The following CDC42EP1 variants were observed in gnomAD, a reference collection of about 807,000 sequenced individuals.
CDC42EP1 encodes the protein CDC42 effector protein 1.
Under a neutral mutation model 7.4 loss-of-function variants are expected in CDC42EP1, and 6 were observed. The observed-to-expected ratio is 0.81, with a 90% confidence interval of 0.44 to 1.60. The LOEUF is 1.60. Among genes scored for constraint, CDC42EP1 ranks in the 40% most tolerant of loss-of-function variants. The pLI is 0.01. For missense variants in CDC42EP1, 567 were observed against 539.0 expected, an observed-to-expected ratio of 1.05 and a Z score of -0.51; for synonymous variants, 238 against 227.1, an observed-to-expected ratio of 1.05 and a Z score of -0.43.
At chr22:37,567,997 G>A (rs1925305995) in intron 2 of CDC42EP1, 111 bp from the exon 3 acceptor site, 2 of 847,490 alleles carry the variant, frequency 2.4e-6, no homozygotes, top group Non-Finnish European at 3.8e-6. Flanking sequence ...AGGCCAGAGA[G>A]GGGAGGGACT....
chr22:37,566,211 T>C lies in CDC42EP1; in HGVS notation c.-139T>C, dbSNP rs990152933. On this transcript the variant is annotated 5_prime_UTR_variant, in exon 2 of 3. Coordinates refer to ENST00000249014, the MANE Select transcript of CDC42EP1 (RefSeq NM_152243.3). This position sits in a 1 kb window ranked among gnomAD's most constrained non-coding sequence, Gnocchi z 6.4. ...CATGAACCCCCCACAGCCTCTGCAT[T>C]TGGGGACCTCACCTTAGGAGAGTGC... The C allele has an allele frequency of 3.8e-6, 2 of 532,640 alleles. No individual in the cohort carries two copies. Among genetic ancestry groups the C allele is most frequent in the Non-Finnish European group, 6.5e-6 (2 of 305,404 alleles). 33.0% of individuals were successfully genotyped at this position (532,640 alleles called of 1,614,324 possible).
chr22:37,568,174 G>T lies in CDC42EP1; in HGVS notation c.530G>T (p.Arg177Leu). Residue 177 changes from arginine (R) to leucine (L), a missense_variant, in exon 3 of 3, where the codon CGG (arginine) becomes CTG (leucine). Coordinates refer to ENST00000249014, the MANE Select transcript of CDC42EP1 (RefSeq NM_152243.3). ...PRSEKPHDRD[R>L]DGSFPSEPGL... The stretch of plus-strand genomic sequence containing the variant: ...TCGGAAAAGCCGCATGACCGAGACC[G>T]GGATGGTTCCTTCCCCTCTGAGCCC... 1 of 1,613,992 alleles carries T rather than the reference G, an allele frequency of 6.2e-7. No individual in the cohort carries two copies. The highest frequency in any genetic ancestry group is 8.5e-7 in the Non-Finnish European group (1 of 1,179,988).
At chr22:37,567,436 C>T (rs573660365) in intron 2 of CDC42EP1, among the ~76,000 whole-genome samples, 12 of 152,268 alleles carry the variant, frequency 7.9e-5, no homozygotes, top group South Asian at 2.1e-4. Flanking sequence ...CCAGAAGTGC[C>T]ACCTTGGCCG....
At position 37,568,674 on chromosome 22, in the gene CDC42EP1, C is replaced by T; in HGVS notation, c.1030C>T (p.Leu344=). The T allele has an allele frequency of 6.4e-7, 1 of 1,551,294 alleles. No homozygotes were observed. Among genetic ancestry groups the T allele is most frequent in the Non-Finnish European group, 8.7e-7 (1 of 1,148,020 alleles). The change falls in exon 3 of 3, where the codon CTG becomes TTG. Residue 344 remains leucine, a synonymous_variant. Coordinates refer to ENST00000249014, the MANE Select transcript of CDC42EP1 (RefSeq NM_152243.3). ...MDARQERVEV[L]PQARASWESL... ...TGCGCGGCAGGAGCGGGTGGAGGTG[C>T]TGCCCCAAGCCCGGGCCTCCTGGGA...
Position 37,568,494 on chromosome 22 carries a change from G to A in CDC42EP1, c.850G>A (p.Gly284Arg). 6.2e-7 allele frequency: 1 copy of A among 1,608,302 alleles called. No homozygotes were observed. Among genetic ancestry groups the A allele is most frequent in the Middle Eastern group, 1.7e-4 (1 of 6,052 alleles). Residue 284 changes from glycine (G) to arginine (R), a missense_variant, in exon 3 of 3, where the codon GGA (glycine) becomes AGA (arginine). Transcript: ENST00000249014. ...CCCTGCCGCAAGCTCCACACCCCAT[G>A]GACACTGTCCCAATGGGGTAACAGC... ...PAPAASSTPH[G>R]HCPNGVTAGL... is the part of the protein sequence containing the mutation.
chr22:37,564,141 C>T (rs1018270279), intron 1 of CDC42EP1, among the ~76,000 whole-genome samples: 1 of 151,864 alleles, frequency 6.6e-6, no homozygotes, highest in Non-Finnish European at 1.5e-5. Flanking sequence ...ACAGGAAAAG[C>T]ATAGGATCAC....
At chr22:37,567,045 G>A (rs1411922801) in intron 2 of CDC42EP1, among the ~76,000 whole-genome samples, 1 of 152,156 alleles carries the variant, frequency 6.6e-6, no homozygotes, top group Non-Finnish European at 1.5e-5. Context: ...CTCACTTGCT[G>A]TGTGACCTGG....
rs1238337800 is a variant in CDC42EP1 at position 37,566,690 on chromosome 22, CCAT to C, written c.347_349del (p.Ile116del). ...TCCCCGGCTCCACCGGCCATCTCCC[CCAT>C]CATCAAGAACGCCATCTCCCTGCCC... On this transcript the variant is annotated inframe_deletion, in exon 2 of 3. Transcript: ENST00000249014. This position sits in a 1 kb window ranked among gnomAD's most constrained non-coding sequence, Gnocchi z 6.4. 6.2e-7 allele frequency: 1 copy of C among 1,611,934 alleles called. No individual in the cohort carries two copies.
Position 37,568,200 on chromosome 22 carries a change from G to A in CDC42EP1, c.556G>A (p.Gly186Arg), listed in dbSNP as rs779661388. ...DRDGSFPSEP[G>R]LRRSDSLLSF... is the part of the protein sequence containing the mutation. Reference sequence around the variant, plus strand: ...GGATGGTTCCTTCCCCTCTGAGCCCGGGCTTCGCCGCTCTGACTCTCTCTT... The same window carrying A: ...GGATGGTTCCTTCCCCTCTGAGCCCAGGCTTCGCCGCTCTGACTCTCTCTT... Residue 186 changes from glycine to arginine, a missense_variant, in exon 3 of 3, where the codon GGG becomes AGG. Transcript: ENST00000249014. 35 of 1,613,774 alleles carry A rather than the reference G, an allele frequency of 2.2e-5. No individual in the cohort carries two copies. Among genetic ancestry groups the A allele is most frequent in the South Asian group, 7.7e-5 (7 of 91,074 alleles).
rs1403393379 is a variant in CDC42EP1 at position 37,560,600 on chromosome 22, G to A, written c.-279+12G>A. On this transcript the variant is annotated intron_variant, in intron 1 of 2. Transcript: ENST00000249014. ...GCTCGCGGAGCCAGGTAACAGCCCG[G>A]GCGCGCGGGTCCTCGGGGCGGAGGC... 1 of 150,442 alleles carries A rather than the reference G, an allele frequency of 6.6e-6. No individual in the cohort carries two copies. The highest frequency in any genetic ancestry group is 1.5e-5 in the Non-Finnish European group (1 of 67,340). The allele number at this position is 150,442 out of a possible 1,614,324, so 9.3% of individuals were successfully genotyped here.
intron 1 of CDC42EP1, among the ~76,000 whole-genome samples, chr22:37,565,112 CG>C (rs1441897164): frequency 6.7e-6 from 1 of 149,986 alleles, no homozygotes; most frequent in East Asian, 2.0e-4. Context: ...AACGATGAGG[CG>C]GGTGAGGTCT....
Position 37,566,643 on chromosome 22 carries a change from G to A in CDC42EP1, c.294G>A (p.Arg98=). The change falls in exon 2 of 3, where the codon AGG becomes AGA. Residue 98 remains arginine, a synonymous_variant. Coordinates refer to ENST00000249014, the MANE Select transcript of CDC42EP1 (RefSeq NM_152243.3). The surrounding 1 kb of genome is among the most constrained non-coding windows in gnomAD (Gnocchi z 6.4). Reference sequence around the variant, plus strand: ...GGAGGGTGGGGGCGCCCCCCCGGAGGATGGCATCTCCCCCTGCACCCTCCC... The same window carrying A: ...GGAGGGTGGGGGCGCCCCCCCGGAGAATGGCATCTCCCCCTGCACCCTCCC... ...LVRRVGAPPR[R]MASPPAPSPA... 1 of 1,597,642 alleles carries A rather than the reference G, an allele frequency of 6.3e-7. No homozygotes were observed. Among genetic ancestry groups the A allele is most frequent in the Non-Finnish European group, 8.5e-7 (1 of 1,170,440 alleles).
intron 1 of CDC42EP1, among the ~76,000 whole-genome samples, chr22:37,561,907 T>C (rs1267887431): frequency 6.6e-6 from 1 of 152,212 alleles, no homozygotes; most frequent in African/African-American, 2.4e-5. Flanking sequence ...CGACCCCTGT[T>C]GGCCCGATCC....
At chr22:37,561,685 C>T (rs1050349252) in intron 1 of CDC42EP1, among the ~76,000 whole-genome samples, 13 of 131,556 alleles carry the variant, frequency 9.9e-5, no homozygotes, top group African/African-American at 3.4e-4. Context: ...GACAGGGACC[C>T]GCTGTCCAGC....
At chr22:37,567,523 C>T (rs1320153018) in intron 2 of CDC42EP1, among the ~76,000 whole-genome samples, 1 of 152,156 alleles carries the variant, frequency 6.6e-6, no homozygotes, top group Non-Finnish European at 1.5e-5. Context: ...GGGAGTGGCT[C>T]TAACACCCCT....
At position 37,568,174 on chromosome 22, in the gene CDC42EP1, G is replaced by C. The variant is rs374180424; in HGVS notation, c.530G>C (p.Arg177Pro). 6.2e-7 allele frequency: 1 copy of C among 1,613,992 alleles called. No individual in the cohort carries two copies. Among genetic ancestry groups the C allele is most frequent in the Non-Finnish European group, 8.5e-7 (1 of 1,179,988 alleles). The change falls in exon 3 of 3, where the codon CGG becomes CCG. Residue 177 changes from arginine (R) to proline (P), a missense_variant. Transcript: ENST00000249014. The stretch of plus-strand genomic sequence containing the variant: ...TCGGAAAAGCCGCATGACCGAGACC[G>C]GGATGGTTCCTTCCCCTCTGAGCCC... ...PRSEKPHDRD[R>P]DGSFPSEPGL...
chr22:37,562,771 G>C (rs1207786535), intron 1 of CDC42EP1, among the ~76,000 whole-genome samples: 2 of 80,358 alleles, frequency 2.5e-5, no homozygotes, highest in South Asian at 3.7e-4. Flanking sequence ...TGGGGGTTCA[G>C]GGGGGAGGAG....
At chr22:37,562,776 G>T (rs1037077791) in intron 1 of CDC42EP1, among the ~76,000 whole-genome samples, 3 of 152,124 alleles carry the variant, frequency 2.0e-5, no homozygotes, top group African/African-American at 7.2e-5. Context: ...GTTCAGGGGG[G>T]AGGAGCCCCT....
intron 1 of CDC42EP1, chr22:37,563,702 G>A (rs1192613847): frequency 6.6e-6 from 1 of 152,160 alleles, no homozygotes; most frequent in Admixed American, 6.5e-5. Context: ...TTTTAAAAAA[G>A]GAAGAAGGCT....
Sources: gnomAD v4.1 joint callset for allele counts (sites outside exome capture counted in the v4.1 genomes callset) on GRCh38, gnomAD v4.1.1 for gene constraint, Gnocchi (gnomAD v3.1) non-coding constraint, MANE v1.5 for transcripts, NCBI Gene and HGNC (gene_info 2026-07-23, HGNC 2026-07-21) for gene names.